The following GFRA2 variants were observed in gnomAD, a reference collection of about 807,000 sequenced individuals.
GFRA2 encodes the protein GDNF family receptor alpha 2.
A neutral mutation model predicts 48.3 loss-of-function variants in GFRA2; 17 were observed. The ratio of observed to expected loss-of-function variants is 0.35; its 90% CI spans 0.24 to 0.53. The LOEUF (loss-of-function observed/expected upper bound fraction) is 0.53. GFRA2 is among the 20% of genes least tolerant of loss of function. GFRA2 has a pLI of 0.93. For synonymous variants in GFRA2, 305 were observed against 257.2 expected (o/e 1.19, Z -1.78); for missense variants, 660 against 637.3 (o/e 1.04, Z -0.38).
intron 4 of GFRA2, among the ~76,000 whole-genome samples, chr8:21,710,356 G>T (rs900073147): frequency 5.3e-5 from 8 of 152,228 alleles, no homozygotes; most frequent in South Asian, 2.1e-4. Flanking sequence ...GCCACTTGAA[G>T]TGCACAGCAG....
At chr8:21,726,116 C>T (rs903138973) in intron 4 of GFRA2, among the ~76,000 whole-genome samples, 8 of 152,218 alleles carry the variant, frequency 5.3e-5, no homozygotes, top group Non-Finnish European at 1.0e-4. Context: ...AAGAACACCA[C>T]AGTCATCCCT....
chr8:21,769,437 C>T (rs917363566), intron 3 of GFRA2, among the ~76,000 whole-genome samples: 4 of 152,214 alleles, frequency 2.6e-5, no homozygotes, highest in Admixed American at 2.6e-4. Context: ...TTCACCAGCA[C>T]CTAGGGTGCT....
At chr8:21,743,335 C>G (rs148582408) in intron 4 of GFRA2, among the ~76,000 whole-genome samples, 2 of 152,180 alleles carry the variant, frequency 1.3e-5, no homozygotes, top group Non-Finnish European at 2.9e-5. Context: ...GGCCCCTGAG[C>G]GAGATTTTAC....
intron 7 of GFRA2, among the ~76,000 whole-genome samples, 195 bp downstream of exon 7, chr8:21,702,610 A>C (rs895786306): frequency 6.6e-6 from 1 of 152,244 alleles, no homozygotes; most frequent in South Asian, 2.1e-4. Context: ...ACTGTGATGT[A>C]ACAGGGGTTT....
Position 21,735,374 on chromosome 8 carries a change from C to G in GFRA2, c.794+15214G>C, listed in dbSNP as rs186320191. 7.5e-3 allele frequency among the ~76,000 whole-genome samples: 1,148 copies of G among 152,102 alleles called. 9 individuals are homozygous for G. The highest frequency in any genetic ancestry group is 0.027 in the African/African-American group (1,111 of 41,474). ...TAGAAAGATGTGGAAACCAAGCCCC[C>G]CCCCAATCCACCCCTGCCAGGCCCC... On this transcript the variant is annotated intron_variant, in intron 4 of 8. Transcript: ENST00000524240.
chr8:21,774,677 A>T (rs1585327557), intron 3 of GFRA2, among the ~76,000 whole-genome samples: 1 of 152,210 alleles, frequency 6.6e-6, no homozygotes, highest in African/African-American at 2.4e-5. Flanking sequence ...AACTGGAAAG[A>T]GGGAACAAGG....
chr8:21,738,890 G>A (rs1420488173), intron 4 of GFRA2, among the ~76,000 whole-genome samples: 2 of 152,208 alleles, frequency 1.3e-5, no homozygotes, highest in Non-Finnish European at 2.9e-5. Flanking sequence ...TCCACGAAAG[G>A]CCTCCTGAAT....
chr8:21,761,860 G>C (rs1479298262), intron 3 of GFRA2, among the ~76,000 whole-genome samples: 2 of 152,130 alleles, frequency 1.3e-5, no homozygotes, highest in African/African-American at 4.8e-5. Flanking sequence ...TGAGGCACGA[G>C]AACTGCTTGA....
intron 3 of GFRA2, 116 bp downstream of exon 3, chr8:21,774,856 G>A: frequency 1.5e-6 from 1 of 672,966 alleles, no homozygotes; most frequent in East Asian, 2.5e-5. Flanking sequence ...GGGACGAGCT[G>A]ATGGGCAGCA....
At chr8:21,755,253 T>A (rs1259082276) in intron 3 of GFRA2, among the ~76,000 whole-genome samples, 1 of 151,942 alleles carries the variant, frequency 6.6e-6, no homozygotes, top group Non-Finnish European at 1.5e-5. Flanking sequence ...GTTCAAGAAT[T>A]TTAACAAATG....
At chr8:21,796,920 T>C (rs1050141010) in intron 2 of GFRA2, among the ~76,000 whole-genome samples, 1 of 152,234 alleles carries the variant, frequency 6.6e-6, no homozygotes, top group Admixed American at 6.5e-5. Context: ...TGCTTTTTTC[T>C]GCAAGTTTGC....
chr8:21,787,761 G>A (rs1807354150), intron 1 of GFRA2, among the ~76,000 whole-genome samples: 1 of 152,232 alleles, frequency 6.6e-6, no homozygotes, highest in South Asian at 2.1e-4. Flanking sequence ...CAGATCAAGA[G>A]TTGGATATTT....
Position 21,692,981 on chromosome 8 carries a change from GA to G in GFRA2, c.*296del, listed in dbSNP as rs1801945643. 4.4e-6 allele frequency: 1 copy of G among 226,760 alleles called. No homozygotes were observed. Among genetic ancestry groups the G allele is most frequent in the African/African-American group, 2.3e-5 (1 of 43,410 alleles). The allele number at this position is 226,760 out of a possible 1,614,324, so 14.0% of individuals were successfully genotyped here. A position where few individuals can be genotyped will look rare whatever the true frequency, so the allele number is the denominator to read the frequency against. On this transcript the variant is annotated 3_prime_UTR_variant, in exon 9 of 9. Coordinates refer to ENST00000524240, the MANE Select transcript of GFRA2 (RefSeq NM_001495.5). Reference sequence around the variant, plus strand: ...TCTCTGCTTCAGAAGGGTCCAGAGAGAAAAACACCAGGAGAAAGTGAAGGGC... The same window carrying G: ...TCTCTGCTTCAGAAGGGTCCAGAGAGAAAACACCAGGAGAAAGTGAAGGGC...
At chr8:21,752,652 A>G (rs1790944448) in intron 3 of GFRA2, among the ~76,000 whole-genome samples, 1 of 151,934 alleles carries the variant, frequency 6.6e-6, no homozygotes, top group Admixed American at 6.6e-5. Flanking sequence ...TTATCTGTCT[A>G]CCTGCCAACT....
chr8:21,750,527 ACAC>A lies in GFRA2; in HGVS notation c.794+58_794+60del, dbSNP rs1805235968. Reference sequence around the variant, plus strand: ...ACCCAAGGAATGCAGAGAAAGGAAAACACAGCCTGGCAATGCAAGCGCCCTCCT... The same window carrying A: ...ACCCAAGGAATGCAGAGAAAGGAAAAAGCCTGGCAATGCAAGCGCCCTCCT... On this transcript the variant is annotated intron_variant, in intron 4 of 8. Coordinates refer to ENST00000524240, the MANE Select transcript of GFRA2 (RefSeq NM_001495.5). The surrounding 1 kb of genome is among the most constrained non-coding windows in gnomAD (Gnocchi z 5.7). The A allele has an allele frequency of 1.1e-6, 1 of 925,712 alleles. No individual in the cohort carries two copies. Among genetic ancestry groups the A allele is most frequent in the Non-Finnish European group, 1.7e-6 (1 of 599,672 alleles). 57.3% of individuals were successfully genotyped at this position (925,712 alleles called of 1,614,324 possible).
At chr8:21,773,972 T>C (rs1488822599) in intron 3 of GFRA2, among the ~76,000 whole-genome samples, 1 of 152,138 alleles carries the variant, frequency 6.6e-6, no homozygotes, top group Non-Finnish European at 1.5e-5. Context: ...CAGCCCAAAA[T>C]GTCAATAGTG....
intron 4 of GFRA2, among the ~76,000 whole-genome samples, chr8:21,718,646 T>C (rs1803449421): frequency 6.6e-6 from 1 of 152,186 alleles, no homozygotes; most frequent in South Asian, 2.1e-4. Flanking sequence ...CCATGTTCTC[T>C]CTGACCTATT....
chr8:21,744,753 A>C (rs1449414884), intron 4 of GFRA2, among the ~76,000 whole-genome samples: 1 of 152,196 alleles, frequency 6.6e-6, no homozygotes, highest in East Asian at 1.9e-4. Flanking sequence ...CCTTATCAGA[A>C]GGCTTTTAAA....
At chr8:21,693,775 A>AGGCAGGAGAGG (rs1254331102) in intron 8 of GFRA2, among the ~76,000 whole-genome samples, 2 of 148,006 alleles carry the variant, frequency 1.4e-5, no homozygotes, top group African/African-American at 2.5e-5. Context: ...GAGAGGAGAG[A>AGGCAGGAGAGG]GGAAGGAGAG....
Sources: allele counts gnomAD v4.1 joint callset (sites outside exome capture counted in the v4.1 genomes callset), GRCh38; gene constraint gnomAD v4.1.1; non-coding constraint Gnocchi (gnomAD v3.1); transcripts MANE v1.5; gene names NCBI Gene and HGNC (gene_info 2026-07-23, HGNC 2026-07-21).